The following EPS8L2 variants were observed in gnomAD, a reference collection of about 807,000 sequenced individuals.
EPS8L2 encodes EPS8 signaling adaptor L2, also known as epidermal growth factor receptor kinase substrate 8-like protein 2.
A neutral mutation model predicts 99.4 loss-of-function variants in EPS8L2; 81 were observed. The observed-to-expected ratio is 0.82, with a 90% CI of 0.68 to 0.98. The LOEUF is 0.98. Among genes scored for constraint, EPS8L2 ranks in the 50% least tolerant of loss-of-function variants. EPS8L2 has a pLI of 0.00. For synonymous variants in EPS8L2, 509 were observed against 407.3 expected (o/e 1.25, Z -3.01); for missense variants, 1,155 against 968.8 (o/e 1.19, Z -2.55).
intron 15 of EPS8L2, among the ~76,000 whole-genome samples, chr11:723,955 G>A (rs1027556915): frequency 1.3e-5 from 2 of 152,192 alleles, no homozygotes; most frequent in African/African-American, 4.8e-5. Context: ...CATCTTCTAA[G>A]CAAGCATGGC....
chr11:726,701 G>GAA lies in EPS8L2; in HGVS notation c.2018_2019insAA (p.Gly674ArgfsTer29), dbSNP rs1862338923. 2 of 1,589,736 alleles carry GAA rather than the reference G, an allele frequency of 1.3e-6. No homozygotes were observed. The highest frequency in any genetic ancestry group is 1.7e-6 in the Non-Finnish European group (2 of 1,169,728). ...GGAGCTGAAGAAAGTGTGCGGCGAG[G>GAA]AGGGCGTCCGCGTGTACAGCCAGCT... On this transcript the variant is annotated frameshift_variant, in exon 20 of 21. Coordinates refer to ENST00000318562, the MANE Select transcript of EPS8L2 (RefSeq NM_022772.4). LOFTEE classifies it high-confidence loss of function.
rs376112350 is a variant in EPS8L2, at chr11:710,496, C to T, written c.165+10C>T. The T allele has an allele frequency of 2.7e-4, 435 of 1,612,786 alleles. 1 individual carries two copies. Among genetic ancestry groups the T allele is most frequent in the Non-Finnish European group, 3.6e-4 (421 of 1,179,272 alleles). On this transcript the variant is annotated intron_variant, in intron 4 of 20. Transcript: ENST00000318562. ...GCAGTACCACGTCCAGGTAAGGCCC[C>T]GCCCCCAGGTAGGCTCCGCCCCCAG...
chr11:708,675 G>C (rs1381130598), intron 1 of EPS8L2: 4 of 152,392 alleles, frequency 2.6e-5, no homozygotes, highest in South Asian at 2.1e-4. Flanking sequence ...GGGACCCCAG[G>C]GTTTCCTGCC....
intron 16 of EPS8L2, among the ~76,000 whole-genome samples, 178 bp from the exon 17 acceptor site, chr11:725,550 G>T (rs954488147): frequency 6.6e-6 from 1 of 152,124 alleles, no homozygotes. Context: ...GAGGCAGGGT[G>T]GGGGAGGAGC....
Position 727,118 on chromosome 11 carries a change from C to T in EPS8L2, c.*137C>T, listed in dbSNP as rs557750523. The T allele has an allele frequency of 3.0e-6, 2 of 661,686 alleles. No homozygotes were observed. The highest frequency in any genetic ancestry group is 1.8e-5 in the African/African-American group (1 of 54,654). 41.0% of individuals were successfully genotyped at this position (661,686 alleles called of 1,614,324 possible). On this transcript the variant is annotated 3_prime_UTR_variant, in exon 21 of 21. Transcript: ENST00000318562. ...GCTGGCTAGAGGTCCCTGCCCCTGT[C>T]TGGAGGCACAACGCCCATCCTTAGG... is the stretch of plus-strand genomic sequence containing the variant.
chr11:715,156 G>A (rs984855225), intron 4 of EPS8L2, among the ~76,000 whole-genome samples: 7 of 152,004 alleles, frequency 4.6e-5, no homozygotes, highest in African/African-American at 9.7e-5. Flanking sequence ...GCAGGAGAAT[G>A]GCGTGAACCC....
intron 4 of EPS8L2, among the ~76,000 whole-genome samples, chr11:713,873 G>A (rs1181028993): frequency 6.6e-6 from 1 of 152,052 alleles, no homozygotes; most frequent in African/African-American, 2.4e-5. Flanking sequence ...GTACAGATGG[G>A]GTTTCACCAT....
At position 726,897 on chromosome 11, in the gene EPS8L2, C is replaced by G. The variant is rs929914406; in HGVS notation, c.2068-4C>G. ...CTGAGGATGCCCCCATTTCTCCTCC[C>G]TAGAAGCAGCAAAGTGGGTCGGAGC... On this transcript the variant is annotated splice_region_variant and splice_polypyrimidine_tract_variant and intron_variant, in intron 20 of 20. Transcript: ENST00000318562. 15 of 1,612,080 alleles carry G rather than the reference C, an allele frequency of 9.3e-6. No homozygotes were observed. Among genetic ancestry groups the G allele is most frequent in the African/African-American group, 1.3e-5 (1 of 74,910 alleles).
intron 4 of EPS8L2, among the ~76,000 whole-genome samples, chr11:716,596 T>C (rs1862034153): frequency 6.6e-6 from 1 of 152,214 alleles, no homozygotes; most frequent in Non-Finnish European, 1.5e-5. Flanking sequence ...TCTAAGATAT[T>C]CATGGAAAGC....
chr11:722,160 G>A lies in EPS8L2; in HGVS notation c.1054G>A (p.Asp352Asn). Residue 352 changes from aspartate (D) to asparagine (N), a missense_variant, in exon 12 of 21, where the codon GAC becomes AAC. Transcript: ENST00000318562. ...ELVHFLFGPL[D>N]LIVNTCSGPD... is the part of the protein sequence containing the mutation. ...CGTGCACTTCCTCTTCGGGCCTCTGGACCTGGTGCCTGGGGCCGGGCGGCA... is the reference window on the plus strand; with the variant it reads ...CGTGCACTTCCTCTTCGGGCCTCTGAACCTGGTGCCTGGGGCCGGGCGGCA... The A allele has an allele frequency of 2.5e-6, 4 of 1,612,376 alleles. No individual in the cohort carries two copies. Among genetic ancestry groups the A allele is most frequent in the African/African-American group, 2.7e-5 (2 of 75,038 alleles).
chr11:711,333 TTTTC>T (rs1197386912), intron 4 of EPS8L2, among the ~76,000 whole-genome samples: 1 of 151,920 alleles, frequency 6.6e-6, no homozygotes, highest in East Asian at 1.9e-4. Flanking sequence ...TGTCTCTCTC[TTTTC>T]TTTTCTTTCT....
chr11:721,005 AG>A (rs758503993), intron 7 of EPS8L2, 58 bp from the exon 8 acceptor site: 2 of 1,397,718 alleles, frequency 1.4e-6, no homozygotes, highest in South Asian at 1.3e-5. Context: ...GGAGCCCGGC[AG>A]GGAGGGAGGG....
chr11:722,520 G>A lies in EPS8L2; in HGVS notation c.1179G>A (p.Glu393=). ...TCCCTAAGGAGATGTCGCTGTGGGA[G>A]TCACTGGGAGAGAGCTGGATGCGGC... ...HLVPKEMSLW[E]SLGESWMRPR... Residue 393 remains glutamate (E), a synonymous_variant, in exon 13 of 21, where the codon GAG becomes GAA. Transcript: ENST00000318562. The A allele has an allele frequency of 2.5e-6, 4 of 1,613,280 alleles. No individual in the cohort carries two copies. Among genetic ancestry groups the A allele is most frequent in the South Asian group, 1.1e-5 (1 of 91,082 alleles).
At chr11:719,113 C>T (rs900233987) in intron 4 of EPS8L2, among the ~76,000 whole-genome samples, 2 of 151,772 alleles carry the variant, frequency 1.3e-5, no homozygotes, top group African/African-American at 4.8e-5. Context: ...TTACAGGCGC[C>T]CGCCACAATG....
chr11:721,718 AGGTGC>A lies in EPS8L2; in HGVS notation c.895+28_895+32del, dbSNP rs1370475046. 3 of 1,284,188 alleles carry A rather than the reference AGGTGC, an allele frequency of 2.3e-6. No individual in the cohort carries two copies. The African/African-American group carries it at 7.7e-5, about 33-fold the overall frequency. 79.5% of individuals were successfully genotyped at this position (1,284,188 alleles called of 1,614,324 possible). A position where few individuals can be genotyped will look rare whatever the true frequency, so the allele number is the denominator to read the frequency against. ...TGCAGGGGACAGGGACGGGGCCGGCAGGTGCAGGGGACGGGGCCAGCAGGTGCAGG... is the reference window on the plus strand; with the variant it reads ...TGCAGGGGACAGGGACGGGGCCGGCAAGGGGACGGGGCCAGCAGGTGCAGG... On this transcript the variant is annotated intron_variant, in intron 10 of 20. Transcript: ENST00000318562.
intron 4 of EPS8L2, among the ~76,000 whole-genome samples, chr11:717,047 G>A (rs1862043664): frequency 6.6e-6 from 1 of 152,170 alleles, no homozygotes; most frequent in Admixed American, 6.5e-5. Context: ...CACGATCTCG[G>A]CTCACTGCAA....
intron 14 of EPS8L2, 71 bp downstream of exon 14, chr11:722,876 C>T: frequency 9.7e-7 from 1 of 1,027,952 alleles, no homozygotes; most frequent in Non-Finnish European, 1.4e-6. Flanking sequence ...TCCCCCCCAG[C>T]CCTGACACCC....
At position 721,096 on chromosome 11, in the gene EPS8L2, C is replaced by T. The variant is rs1862160626; in HGVS notation, c.590C>T (p.Ser197Phe). 2 of 1,520,188 alleles carry T rather than the reference C, an allele frequency of 1.3e-6. No homozygotes were observed. Among genetic ancestry groups the T allele is most frequent in the Non-Finnish European group, 1.8e-6 (2 of 1,135,528 alleles). 94.2% of individuals were successfully genotyped at this position (1,520,188 alleles called of 1,614,324 possible). Residue 197 changes from serine to phenylalanine, a missense_variant, in exon 8 of 21, where the codon TCC (serine) becomes TTC (phenylalanine). Physicochemically the swap from Ser to Phe is radical, Grantham distance 155. Transcript: ENST00000318562. Reference protein sequence around the residue: ...GHQEKIRQRQSILPPPQGPAP... With the variant: ...GHQEKIRQRQFILPPPQGPAP... ...CAGGAGAAGATTCGGCAGCGGCAGT[C>T]CATCCTGCCTCCTCCCCAGGGCCCG...
At chr11:712,518 T>A (rs923939352) in intron 4 of EPS8L2, among the ~76,000 whole-genome samples, 6 of 151,976 alleles carry the variant, frequency 3.9e-5, no homozygotes, top group African/African-American at 9.7e-5. Context: ...GGCTTCCGGT[T>A]GTGGTCCAAG....
Sources: gnomAD v4.1 joint callset for allele counts (sites outside exome capture counted in the v4.1 genomes callset) on GRCh38, gnomAD v4.1.1 for gene constraint, MANE v1.5 for transcripts, NCBI Gene and HGNC (gene_info 2026-07-23, HGNC 2026-07-21) for gene names.